The following LRIG1 variants were observed in gnomAD, a reference collection of about 807,000 sequenced individuals.
The protein encoded by LRIG1 is leucine rich repeats and immunoglobulin like domains 1, also known as leucine-rich repeats and immunoglobulin-like domains protein 1.
Under a neutral mutation model 99.2 loss-of-function variants are expected in LRIG1, and 48 were observed. That is an observed-to-expected ratio of 0.48 (90% CI 0.38 to 0.62). The LOEUF (loss-of-function observed/expected upper bound fraction) is 0.62, where lower values mean the gene tolerates loss of function less well. Ranked by LOEUF, LRIG1 falls within the 20% of genes least tolerant of loss-of-function variation. The pLI, the probability that LRIG1 is intolerant of heterozygous loss-of-function variation, is 0.00. For synonymous variants in LRIG1, 772 were observed against 596.1 expected, an observed-to-expected ratio of 1.29 and a Z score of -4.30; for missense variants, 1,646 against 1,434.4, an observed-to-expected ratio of 1.15 and a Z score of -2.38.
chr3:66,437,187 T>A (rs1703389707), intron 3 of LRIG1, among the ~76,000 whole-genome samples: 2 of 152,240 alleles, frequency 1.3e-5, no homozygotes, highest in South Asian at 4.1e-4. Context: ...CTCTCCACCT[T>A]CGCTTCACAG....
intron 8 of LRIG1, chr3:66,406,556 C>A (rs1702275534): frequency 5.9e-6 from 2 of 341,142 alleles, no homozygotes; most frequent in African/African-American, 4.4e-5. Context: ...ACAGATCCCT[C>A]TCTGTGCAGT....
intron 1 of LRIG1, among the ~76,000 whole-genome samples, chr3:66,473,819 A>C (rs3856599): frequency 6.6e-6 from 1 of 152,206 alleles, no homozygotes; most frequent in African/African-American, 2.4e-5. Flanking sequence ...ACTGACTTTA[A>C]TAGCTAGCTT....
At position 66,383,388 on chromosome 3, in the gene LRIG1, C is replaced by T. The variant is rs1238437970; in HGVS notation, c.2085G>A (p.Leu695=). Residue 695 remains leucine, a synonymous_variant, in exon 15 of 19, where the codon TTG becomes TTA. Coordinates refer to ENST00000273261, the MANE Select transcript of LRIG1 (RefSeq NM_015541.3). ...ATLTVLETPS[L]VVPLEDRVVS... ...CCACACGGTCTTCCAAGGGGACCACCAAGGATGGGGTCTCTACAAGAGAGC... is the reference window on the plus strand; with the variant it reads ...CCACACGGTCTTCCAAGGGGACCACTAAGGATGGGGTCTCTACAAGAGAGC... 15 of 1,559,402 alleles carry T rather than the reference C, an allele frequency of 9.6e-6. No homozygotes were observed. Among genetic ancestry groups the T allele is most frequent in the South Asian group, 4.9e-5 (4 of 82,240 alleles).
intron 6 of LRIG1, among the ~76,000 whole-genome samples, chr3:66,411,709 G>A (rs1036902950): frequency 5.3e-5 from 8 of 152,080 alleles, no homozygotes; most frequent in Admixed American, 3.9e-4. Flanking sequence ...AAGGACATTC[G>A]AGTCATGATA....
At chr3:66,495,196 G>C (rs759311319) in intron 1 of LRIG1, among the ~76,000 whole-genome samples, 2 of 152,190 alleles carry the variant, frequency 1.3e-5, no homozygotes, top group African/African-American at 4.8e-5. Context: ...AAAAATAACA[G>C]TAACGGTCCC....
chr3:66,430,839 C>T (rs1575685608), intron 3 of LRIG1, among the ~76,000 whole-genome samples: 3 of 152,186 alleles, frequency 2.0e-5, no homozygotes. Context: ...ACGTATTTAT[C>T]GCTTTTGCTC....
intron 1 of LRIG1, among the ~76,000 whole-genome samples, chr3:66,481,371 A>G (rs1430127736): frequency 3.9e-5 from 6 of 152,206 alleles, no homozygotes; most frequent in African/African-American, 7.2e-5. Flanking sequence ...CTGGTTGTTC[A>G]TTAATATATA....
intron 1 of LRIG1, among the ~76,000 whole-genome samples, chr3:66,475,687 A>G (rs187532634): frequency 8.0e-4 from 122 of 152,364 alleles, no homozygotes; most frequent in Non-Finnish European, 1.4e-3. Flanking sequence ...TTAAGCTCAC[A>G]TAAGCACAGG....
At chr3:66,474,576 C>G (rs948587218) in intron 1 of LRIG1, among the ~76,000 whole-genome samples, 1 of 152,126 alleles carries the variant, frequency 6.6e-6, no homozygotes, top group Non-Finnish European at 1.5e-5. Flanking sequence ...GAACTCCTGA[C>G]CTCAGGTGAT....
chr3:66,393,371 A>T (rs1701699936), intron 12 of LRIG1, among the ~76,000 whole-genome samples: 1 of 152,120 alleles, frequency 6.6e-6, no homozygotes, highest in Non-Finnish European at 1.5e-5. Flanking sequence ...TCATTTTTTG[A>T]CCATGTCTTC....
intron 7 of LRIG1, chr3:66,409,674 C>T: frequency 6.4e-6 from 1 of 155,544 alleles, no homozygotes; most frequent in Admixed American, 6.4e-5. Flanking sequence ...AATTCATCCA[C>T]AGTCAGCGTT....
At chr3:66,388,473 T>C (rs930753956) in intron 12 of LRIG1, among the ~76,000 whole-genome samples, 1 of 152,050 alleles carries the variant, frequency 6.6e-6, no homozygotes, top group African/African-American at 2.4e-5. Flanking sequence ...GGCCCCAAAT[T>C]TGATGAAAAA....
chr3:66,404,432 C>A, intron 9 of LRIG1: 3 of 1,193,340 alleles, frequency 2.5e-6, no homozygotes, highest in East Asian at 5.9e-5. Context: ...CCTTCCTGCA[C>A]GGTCCTTGGG....
intron 1 of LRIG1, among the ~76,000 whole-genome samples, chr3:66,475,224 T>C (rs1391267331): frequency 4.6e-5 from 7 of 152,208 alleles, no homozygotes; most frequent in Non-Finnish European, 7.4e-5. Flanking sequence ...AGTCTCTGCC[T>C]AGCCTGTCCT....
intron 2 of LRIG1, among the ~76,000 whole-genome samples, chr3:66,454,430 T>C (rs892262620): frequency 5.3e-5 from 8 of 152,180 alleles, no homozygotes; most frequent in Admixed American, 2.0e-4. Context: ...AAAGAAATTT[T>C]AGGAAGTAAA....
At chr3:66,473,352 G>A (rs955316044) in intron 1 of LRIG1, among the ~76,000 whole-genome samples, 7 of 152,118 alleles carry the variant, frequency 4.6e-5, no homozygotes, top group Admixed American at 2.0e-4. Flanking sequence ...CCCAGAGTAC[G>A]GGAGTCCTCT....
At position 66,480,152 on chromosome 3, in the gene LRIG1, AC is replaced by A. The variant is rs1009368462; in HGVS notation, c.219-17644del. Among the ~76,000 whole-genome samples, 9 of 151,454 alleles carry A rather than the reference AC, an allele frequency of 5.9e-5. No individual in the cohort carries two copies. In the East Asian group the frequency reaches 1.7e-3, roughly 29 times the overall value. On this transcript the variant is annotated intron_variant, in intron 1 of 18. Transcript: ENST00000273261. ...CCATAAAAATTAATGAAGTACTGAT[AC>A]CTGCCATAATATGGACGAATCATGA...
chr3:66,455,436 G>A (rs1700189977), intron 2 of LRIG1, among the ~76,000 whole-genome samples: 1 of 152,200 alleles, frequency 6.6e-6, no homozygotes, highest in South Asian at 2.1e-4. Context: ...TTGCACAAAT[G>A]TACGTGTATT....
intron 12 of LRIG1, among the ~76,000 whole-genome samples, chr3:66,392,463 T>G (rs891610650): frequency 6.6e-6 from 1 of 152,220 alleles, no homozygotes; most frequent in Admixed American, 6.5e-5. Flanking sequence ...ATCTGAGTTT[T>G]GGATTCTAGC....
Sources: allele counts gnomAD v4.1 joint callset (sites outside exome capture counted in the v4.1 genomes callset), GRCh38; gene constraint gnomAD v4.1.1; transcripts MANE v1.5; gene names NCBI Gene and HGNC (gene_info 2026-07-23, HGNC 2026-07-21).